The following EEIG2 variants were observed in gnomAD, a reference collection of about 807,000 sequenced individuals.
EEIG2 encodes family with sequence similarity 102 member B.
At chr1:108,630,884 C>T in the EEIG2 span, among the ~76,000 whole-genome samples, 7 of 152,282 alleles carry the variant, frequency 4.6e-5, no homozygotes, top group Admixed American at 1.3e-4. Flanking sequence ...TGTATTCTCT[C>T]GTGGTCAAAA....
At chr1:108,560,104 GGGCGGCAGCGGCGGCGGA>G in the EEIG2 span, 1 of 175,938 alleles carries the variant, frequency 5.7e-6, no homozygotes, top group Non-Finnish European at 1.1e-5. Context: ...ACTCCCAGAC[GGGCGGCAGCGGCGGCGGA>G]GGCGGCGGCG....
the EEIG2 span, among the ~76,000 whole-genome samples, chr1:108,603,871 A>G: frequency 1.3e-3 from 191 of 152,366 alleles, no homozygotes; most frequent in Admixed American, 1.5e-3. Context: ...TGGATTTAAC[A>G]GCAGGTTTAC....
chr1:108,565,947 A>G, the EEIG2 span, among the ~76,000 whole-genome samples: 4 of 152,296 alleles, frequency 2.6e-5, no homozygotes, highest in Admixed American at 6.5e-5. Flanking sequence ...CCCAGGGATA[A>G]TCACTATTAT....
chr1:108,562,439 G>T, the EEIG2 span, among the ~76,000 whole-genome samples: 1 of 152,138 alleles, frequency 6.6e-6, no homozygotes, highest in East Asian at 1.9e-4. Context: ...ATAGTGCTCT[G>T]TGTAGCCAAA....
chr1:108,606,289 A>G, the EEIG2 span: 2 of 1,425,336 alleles, frequency 1.4e-6, no homozygotes, highest in South Asian at 2.8e-5. Context: ...TGGAACATGT[A>G]ATGTTGCTTA....
chr1:108,581,695 A>T, the EEIG2 span, among the ~76,000 whole-genome samples: 5 of 152,236 alleles, frequency 3.3e-5, no homozygotes, highest in African/African-American at 1.2e-4. Flanking sequence ...TCTCATGATT[A>T]AAACTCGAAT....
chr1:108,584,228 AACATGATTAT>A, the EEIG2 span, among the ~76,000 whole-genome samples: 1,213 of 152,294 alleles, frequency 8.0e-3, 14 homozygotes, highest in African/African-American at 0.028. Context: ...GAAGGACTTG[AACATGATTAT>A]ACATTGAGGC....
At chr1:108,593,716 A>G in the EEIG2 span, among the ~76,000 whole-genome samples, 2 of 152,224 alleles carry the variant, frequency 1.3e-5, no homozygotes, top group East Asian at 3.8e-4. Context: ...TCTAGAGGCT[A>G]GGACTACTAG....
chr1:108,610,311 TC>T, the EEIG2 span, among the ~76,000 whole-genome samples: 2 of 152,278 alleles, frequency 1.3e-5, no homozygotes, highest in Middle Eastern at 3.4e-3. Context: ...GTGGTTGGCC[TC>T]AGACAGTGCT....
the EEIG2 span, among the ~76,000 whole-genome samples, chr1:108,565,954 T>G: frequency 5.3e-5 from 8 of 152,158 alleles, no homozygotes; most frequent in Non-Finnish European, 5.9e-5. Context: ...ATAATCACTA[T>G]TATAAATATT....
At chr1:108,578,204 G>C in the EEIG2 span, among the ~76,000 whole-genome samples, 3 of 109,214 alleles carry the variant, frequency 2.7e-5, no homozygotes, top group Non-Finnish European at 5.5e-5. Context: ...TTTGGGCTGA[G>C]ACGATGGGGT....
At chr1:108,586,395 T>C in the EEIG2 span, among the ~76,000 whole-genome samples, 2 of 151,630 alleles carry the variant, frequency 1.3e-5, no homozygotes, top group African/African-American at 4.9e-5. Context: ...GCATTTTAGA[T>C]CCAGACAACA....
At chr1:108,575,136 A>G in the EEIG2 span, among the ~76,000 whole-genome samples, 2 of 152,240 alleles carry the variant, frequency 1.3e-5, no homozygotes, top group African/African-American at 4.8e-5. Context: ...AAGAGGCTAC[A>G]CTGAAAAATG....
At chr1:108,566,084 G>GT in the EEIG2 span, among the ~76,000 whole-genome samples, 3 of 152,048 alleles carry the variant, frequency 2.0e-5, no homozygotes, top group Non-Finnish European at 4.4e-5. Context: ...ACTTAGTATG[G>GT]TTTTTTACTT....
At chr1:108,604,889 A>G in the EEIG2 span, among the ~76,000 whole-genome samples, 14 of 151,540 alleles carry the variant, frequency 9.2e-5, no homozygotes, top group African/African-American at 3.4e-4. Flanking sequence ...AAAGAGAAAA[A>G]AAAAATTAGC....
At chr1:108,627,932 A>G in the EEIG2 span, 2 of 503,990 alleles carry the variant, frequency 4.0e-6, no homozygotes, top group South Asian at 3.1e-5. Flanking sequence ...GGACTGAAAT[A>G]ATTTTTTAAT....
At chr1:108,588,072 A>C in the EEIG2 span, among the ~76,000 whole-genome samples, 1 of 152,120 alleles carries the variant, frequency 6.6e-6, no homozygotes, top group Non-Finnish European at 1.5e-5. Context: ...TATTCCATTT[A>C]TGTATATACA....
At chr1:108,562,898 A>G in the EEIG2 span, among the ~76,000 whole-genome samples, 1 of 152,260 alleles carries the variant, frequency 6.6e-6, no homozygotes, top group Non-Finnish European at 1.5e-5. Flanking sequence ...AATTATTTCA[A>G]AATCACAGAA....
chr1:108,576,692 A>G, the EEIG2 span, among the ~76,000 whole-genome samples: 51 of 147,558 alleles, frequency 3.5e-4, no homozygotes, highest in African/African-American at 1.3e-3. Context: ...AATCCAGTCT[A>G]TCATTGTTGG....
Sources: allele counts gnomAD v4.1 joint callset (sites outside exome capture counted in the v4.1 genomes callset), GRCh38; gene constraint gnomAD v4.1.1; transcripts MANE v1.5; gene names NCBI Gene and HGNC (gene_info 2026-07-23, HGNC 2026-07-21).